Variants in RIC8B observed in about 807,000 individuals in gnomAD.
RIC8B encodes chaperone Ric-8B.
RIC8B carries 16 observed loss-of-function variants against 57.5 expected under a neutral mutation model. The observed-to-expected ratio is 0.28, with a 90% confidence interval of 0.19 to 0.42. The LOEUF (loss-of-function observed/expected upper bound fraction) is 0.42. Ranked by LOEUF, RIC8B falls within the 10% of genes least tolerant of loss-of-function variation. The probability of loss-of-function intolerance (pLI) is 1.00; values close to 1 mark genes in which losing one functional copy is unlikely to be tolerated. For missense variants in RIC8B, 481 were observed against 677.0 expected, an observed-to-expected ratio of 0.71 and a Z score of 3.21; for synonymous variants, 216 against 250.8, an observed-to-expected ratio of 0.86 and a Z score of 1.31.
chr12:106,810,046 T>G (rs1233274878), intron 2 of RIC8B, among the ~76,000 whole-genome samples: 1 of 151,146 alleles, frequency 6.6e-6, no homozygotes, highest in Non-Finnish European at 1.5e-5. Flanking sequence ...TATTATTTAT[T>G]ATTTATTTCT....
At chr12:106,776,276 T>C (rs2043482369) in intron 1 of RIC8B, among the ~76,000 whole-genome samples, 1 of 152,258 alleles carries the variant, frequency 6.6e-6, no homozygotes, top group Admixed American at 6.5e-5. Flanking sequence ...GTTGAACATG[T>C]CTGCCTAATT....
chr12:106,856,296 C>T (rs1949713805), intron 7 of RIC8B, among the ~76,000 whole-genome samples: 1 of 152,030 alleles, frequency 6.6e-6, no homozygotes, highest in Admixed American at 6.6e-5. Flanking sequence ...CTTGTCATTC[C>T]CCTCATATAA....
At chr12:106,838,248 TA>T (rs1188116230) in intron 4 of RIC8B, among the ~76,000 whole-genome samples, 1 of 152,192 alleles carries the variant, frequency 6.6e-6, no homozygotes, top group Non-Finnish European at 1.5e-5. Flanking sequence ...GTCTCTTCAA[TA>T]AATGGTTTTG....
At chr12:106,814,660 A>G (rs947200643) in intron 2 of RIC8B, 36 bp from the exon 3 acceptor site, 6 of 1,545,534 alleles carry the variant, frequency 3.9e-6, no homozygotes, top group Admixed American at 2.0e-5. Flanking sequence ...ATTTGAGCCA[A>G]ATAATGATTT....
chr12:106,797,970 A>C, intron 2 of RIC8B: 1 of 696,684 alleles, frequency 1.4e-6, no homozygotes, highest in Non-Finnish European at 2.6e-6. Flanking sequence ...TTATTTCCTG[A>C]TTTTAGGCAC....
At chr12:106,883,309 T>G (rs1951038670) in intron 9 of RIC8B, among the ~76,000 whole-genome samples, 1 of 152,188 alleles carries the variant, frequency 6.6e-6, no homozygotes, top group Admixed American at 6.5e-5. Flanking sequence ...GTGTCCAACA[T>G]CACAAAGTCC....
At chr12:106,882,475 CTTAT>C (rs1566187149) in intron 9 of RIC8B, among the ~76,000 whole-genome samples, 1 of 151,554 alleles carries the variant, frequency 6.6e-6, no homozygotes, top group East Asian at 1.9e-4. Flanking sequence ...TTTGGTCTAC[CTTAT>C]TATTATTATT....
chr12:106,814,142 T>A (rs1234737615), intron 2 of RIC8B, among the ~76,000 whole-genome samples: 2 of 152,160 alleles, frequency 1.3e-5, no homozygotes, highest in African/African-American at 4.8e-5. Context: ...TGGGAACTTT[T>A]TTCTGTAGTT....
chr12:106,824,866 C>T (rs561331585), intron 3 of RIC8B, among the ~76,000 whole-genome samples: 16 of 151,454 alleles, frequency 1.1e-4, no homozygotes, highest in African/African-American at 1.7e-4. Context: ...GAGATCACAC[C>T]ATTGTACTCC....
intron 7 of RIC8B, among the ~76,000 whole-genome samples, chr12:106,855,183 CT>C (rs1364490724): frequency 6.6e-6 from 1 of 152,170 alleles, no homozygotes; most frequent in Non-Finnish European, 1.5e-5. Flanking sequence ...CTTGAACTCC[CT>C]TAGCACATAG....
At position 106,843,953 on chromosome 12, in the gene RIC8B, T is replaced by A; in HGVS notation, c.1161+6T>A. The stretch of plus-strand genomic sequence containing the variant: ...GAAAATTTCTCAAAGATCAGGTAAC[T>A]GCTTAATGCATATTACATTGCAAAG... On this transcript the variant is annotated splice_donor_region_variant and intron_variant, in intron 6 of 9. Transcript: ENST00000392837. The A allele has an allele frequency of 6.3e-7, 1 of 1,587,520 alleles. No homozygotes were observed. The highest frequency in any genetic ancestry group is 1.1e-5 in the South Asian group (1 of 90,446).
In RIC8B at chr12:106,886,686, CTATT is replaced by C. The variant is rs1951196721; in HGVS notation, c.*676_*679del. Reference sequence around the variant, plus strand: ...TTAGTTCTCAGGCAGCTACAAATGCCTATTTATTCCCTAATGTACCTGAACACTA... The same window carrying C: ...TTAGTTCTCAGGCAGCTACAAATGCCTATTCCCTAATGTACCTGAACACTA... On this transcript the variant is annotated 3_prime_UTR_variant, in exon 10 of 10. Transcript: ENST00000392837. 2 of 152,576 alleles carry C rather than the reference CTATT, an allele frequency of 1.3e-5. No homozygotes were observed. Among genetic ancestry groups the C allele is most frequent in the African/African-American group, 4.8e-5 (2 of 41,434 alleles). The allele number at this position is 152,576 out of a possible 1,614,324, so 9.5% of individuals were successfully genotyped here.
intron 2 of RIC8B, among the ~76,000 whole-genome samples, chr12:106,803,383 G>A (rs548754213): frequency 1.2e-3 from 181 of 152,112 alleles, no homozygotes; most frequent in African/African-American, 4.0e-3. Flanking sequence ...GATCATTATA[G>A]TGCCTTCTAA....
intron 2 of RIC8B, among the ~76,000 whole-genome samples, chr12:106,812,470 C>T (rs1198040810): frequency 2.7e-5 from 4 of 148,448 alleles, no homozygotes; most frequent in African/African-American, 5.0e-5. Context: ...ATTTTATTGT[C>T]GCTGTTGTTT....
chr12:106,849,209 A>G (rs1011426531), intron 6 of RIC8B, among the ~76,000 whole-genome samples: 7 of 152,244 alleles, frequency 4.6e-5, no homozygotes, highest in South Asian at 2.1e-4. Context: ...ACCTGTATCA[A>G]AATATCTCAT....
At chr12:106,863,988 T>A (rs1396908822) in intron 8 of RIC8B, among the ~76,000 whole-genome samples, 1 of 152,162 alleles carries the variant, frequency 6.6e-6, no homozygotes, top group Non-Finnish European at 1.5e-5. Context: ...TAAATTTATG[T>A]GGCTAATACA....
intron 9 of RIC8B, chr12:106,871,499 C>CAAAAAAAA (rs1491246618): frequency 9.7e-6 from 1 of 103,390 alleles, no homozygotes; most frequent in Non-Finnish European, 1.9e-5. Flanking sequence ...AAAAAAAAAA[C>CAAAAAAAA]CAAAAAACTC....
chr12:106,874,606 G>C, intron 9 of RIC8B: 1 of 1,418,480 alleles, frequency 7.0e-7, no homozygotes, highest in East Asian at 2.5e-5. Context: ...CCTGGTGTAG[G>C]GTATAGATGT....
chr12:106,780,213 T>A (rs1215081190), intron 1 of RIC8B, among the ~76,000 whole-genome samples: 1 of 152,182 alleles, frequency 6.6e-6, no homozygotes, highest in Non-Finnish European at 1.5e-5. Flanking sequence ...ACTATGATGA[T>A]AACCAGAGAC....
Sources: allele counts gnomAD v4.1 joint callset (sites outside exome capture counted in the v4.1 genomes callset), GRCh38; gene constraint gnomAD v4.1.1; transcripts MANE v1.5; gene names NCBI Gene and HGNC (gene_info 2026-07-23, HGNC 2026-07-21).